Variants in PLCE1 observed in about 807,000 individuals in gnomAD.
PLCE1 encodes the protein 1-phosphatidylinositol 4,5-bisphosphate phosphodiesterase epsilon-1.
In PLCE1, 119 loss-of-function variants were observed where a neutral mutation model predicts 242.8. The ratio of observed to expected loss-of-function variants is 0.49; its 90% CI spans 0.42 to 0.57. The LOEUF (loss-of-function observed/expected upper bound fraction) is 0.57, where lower values mean the gene tolerates loss of function less well. PLCE1 is among the 20% of genes least tolerant of loss of function. The pLI is 0.00. For missense variants in PLCE1, 2,441 were observed against 2,788.8 expected (o/e 0.88, Z 2.81); for synonymous variants, 945 against 1,017.4 (o/e 0.93, Z 1.35).
chr10:94,293,360 A>T, intron 22 of PLCE1, 148 bp from the exon 23 acceptor site: 1 of 817,758 alleles, frequency 1.2e-6, no homozygotes, highest in Admixed American at 2.2e-5. Flanking sequence ...CAATGCTATT[A>T]TTAACAGAAC....
At chr10:94,090,073 G>T (rs1490786777) in intron 2 of PLCE1, among the ~76,000 whole-genome samples, 4 of 151,830 alleles carry the variant, frequency 2.6e-5, no homozygotes, top group African/African-American at 9.7e-5. Context: ...AACATTAAAA[G>T]GATATTAGAC....
At chr10:94,163,727 A>G (rs1447559743) in intron 3 of PLCE1, among the ~76,000 whole-genome samples, 2 of 152,136 alleles carry the variant, frequency 1.3e-5, no homozygotes, top group Non-Finnish European at 1.5e-5. Flanking sequence ...TTTGCTCGTT[A>G]CTTGATGCGG....
At chr10:94,228,688 A>AT (rs796370088) in intron 5 of PLCE1, among the ~76,000 whole-genome samples, 120 of 149,374 alleles carry the variant, frequency 8.0e-4, no homozygotes, top group African/African-American at 2.3e-3. Context: ...CAGAGTTCTA[A>AT]TTTTTTTTTT....
intron 8 of PLCE1, among the ~76,000 whole-genome samples, chr10:94,248,405 A>G (rs1001881644): frequency 6.6e-6 from 1 of 152,196 alleles, no homozygotes; most frequent in African/African-American, 2.4e-5. Flanking sequence ...GTTCGAGACC[A>G]GCCTGGCCAA....
chr10:94,269,066 A>T, intron 17 of PLCE1, 30 bp downstream of exon 17: 2 of 1,152,098 alleles, frequency 1.7e-6, no homozygotes. Flanking sequence ...TTTAAATCAA[A>T]TCACAAAGAG....
At chr10:94,268,012 C>T (rs949732033) in intron 16 of PLCE1, among the ~76,000 whole-genome samples, 4 of 152,182 alleles carry the variant, frequency 2.6e-5, no homozygotes, top group Admixed American at 2.0e-4. Context: ...GGCACATTTA[C>T]AGATGTATCA....
Position 94,273,619 on chromosome 10 carries a change from G to A in PLCE1, c.4564G>A (p.Asp1522Asn), listed in dbSNP as rs1182368388. ...CTTATTTGAGACTGATTTCTCAGAT[G>A]ATCCAATGCTTCCTTCACCTGACCA... ...KFLFETDFSD[D>N]PMLPSPDQLR... The change falls in exon 19 of 33, where the codon GAT becomes AAT. Residue 1522 changes from aspartate to asparagine, a missense_variant. Physicochemically the swap from Asp to Asn is conservative, Grantham distance 23. This residue lies in a region of PLCE1 where 1,004 missense variants were observed against 1,322.7 expected (regional missense o/e 0.76). Coordinates refer to ENST00000371380, the MANE Select transcript of PLCE1 (RefSeq NM_016341.4). The A allele has an allele frequency of 6.2e-7, 1 of 1,613,366 alleles. No individual in the cohort carries two copies. Among genetic ancestry groups the A allele is most frequent in the Non-Finnish European group, 8.5e-7 (1 of 1,179,476 alleles).
chr10:94,212,851 G>C (rs779115897), intron 4 of PLCE1, among the ~76,000 whole-genome samples: 1 of 152,218 alleles, frequency 6.6e-6, no homozygotes, highest in South Asian at 2.1e-4. Flanking sequence ...TATTTATTGA[G>C]CATCTACTTT....
intron 2 of PLCE1, among the ~76,000 whole-genome samples, chr10:94,124,267 A>T (rs1365346470): frequency 6.6e-6 from 1 of 151,726 alleles, no homozygotes; most frequent in East Asian, 1.9e-4. Context: ...AGTCCCAGCC[A>T]CTCAGGAGGC....
intron 2 of PLCE1, among the ~76,000 whole-genome samples, chr10:94,081,584 G>A (rs539104246): frequency 6.6e-6 from 1 of 152,184 alleles, no homozygotes; most frequent in Non-Finnish European, 1.5e-5. Context: ...CCACTGGCTT[G>A]TTTTTCATGT....
In PLCE1 at chr10:94,137,548, A is replaced by G. The variant is rs370250932; in HGVS notation, c.1492+5089A>G. ...TGTGCATATTGTACCAGCCAACATA[A>G]TAAATTGAGTGTGTTAAACTCAATT... On this transcript the variant is annotated intron_variant, in intron 3 of 32. Coordinates refer to ENST00000371380, the MANE Select transcript of PLCE1 (RefSeq NM_016341.4). 5.3e-5 allele frequency among the ~76,000 whole-genome samples: 8 copies of G among 152,380 alleles called. No individual in the cohort carries two copies. The East Asian group carries it at 1.3e-3, about 26-fold the overall frequency.
intron 4 of PLCE1, among the ~76,000 whole-genome samples, chr10:94,177,966 G>A (rs571436550): frequency 1.2e-4 from 18 of 152,326 alleles, no homozygotes; most frequent in African/African-American, 3.4e-4. Flanking sequence ...TGGCATCACA[G>A]TTCTGAGTTG....
At chr10:94,183,327 A>G (rs1287732408) in intron 4 of PLCE1, among the ~76,000 whole-genome samples, 1 of 152,228 alleles carries the variant, frequency 6.6e-6, no homozygotes, top group Non-Finnish European at 1.5e-5. Flanking sequence ...CTTTTGTACT[A>G]AATGCTGTTT....
At chr10:94,032,724 A>G (rs992104628) in intron 2 of PLCE1, among the ~76,000 whole-genome samples, 12 of 152,210 alleles carry the variant, frequency 7.9e-5, no homozygotes, top group African/African-American at 2.2e-4. Context: ...GATGAAACCT[A>G]TGGATTCAGA....
chr10:94,298,354 G>A lies in PLCE1; in HGVS notation c.5168-25G>A. 1 of 1,610,154 alleles carries A rather than the reference G, an allele frequency of 6.2e-7. No homozygotes were observed. Among genetic ancestry groups the A allele is most frequent in the Non-Finnish European group, 8.5e-7 (1 of 1,176,458 alleles). ...TATTTAAAGTTTTCTACACTAATCT[G>A]CGGCTAATTTCTTGGGGGGTTTAGG... is the stretch of plus-strand genomic sequence containing the variant. On this transcript the variant is annotated intron_variant, in intron 23 of 32. Transcript: ENST00000371380. This position sits in a 1 kb window ranked among gnomAD's most constrained non-coding sequence, Gnocchi z 5.2.
chr10:94,305,306 A>C (rs1387181453), intron 25 of PLCE1, among the ~76,000 whole-genome samples: 1 of 152,160 alleles, frequency 6.6e-6, no homozygotes, highest in Non-Finnish European at 1.5e-5. Context: ...ATGGTGGTTC[A>C]CACCTGTACT....
intron 3 of PLCE1, among the ~76,000 whole-genome samples, chr10:94,143,822 T>C (rs953723895): frequency 2.6e-5 from 4 of 152,248 alleles, no homozygotes; most frequent in Non-Finnish European, 5.9e-5. Context: ...TCATATTTCA[T>C]TGTGACAACA....
At chr10:94,104,608 T>G (rs909109550) in intron 2 of PLCE1, 1 of 152,192 alleles carries the variant, frequency 6.6e-6, no homozygotes, top group African/African-American at 2.4e-5. Context: ...CACTTTGATA[T>G]TCCAGGATTT....
At chr10:94,106,912 T>TTCTCTCCCTCTCTCTCTCTCTCTCTCTC (rs2045757667) in intron 2 of PLCE1, among the ~76,000 whole-genome samples, 1 of 38,734 alleles carries the variant, frequency 2.6e-5, no homozygotes, top group Non-Finnish European at 5.0e-5. Context: ...TGTCTCTTGT[T>TTCTCTCCCTCTCTCTCTCTCTCTCTCTC]TCTCTCTCTC....
Sources: allele counts gnomAD v4.1 joint callset (sites outside exome capture counted in the v4.1 genomes callset), GRCh38; gene constraint gnomAD v4.1.1; regional missense constraint gnomAD v4.1.1; non-coding constraint Gnocchi (gnomAD v3.1); transcripts MANE v1.5; gene names NCBI Gene and HGNC (gene_info 2026-07-23, HGNC 2026-07-21).